The following SPAG16 variants were observed in gnomAD, a reference collection of about 807,000 sequenced individuals.
The protein encoded by SPAG16 is sperm-associated antigen 16 protein.
Under a neutral mutation model 80.4 loss-of-function variants are expected in SPAG16, and 86 were observed. The ratio of observed to expected loss-of-function variants is 1.07; its 90% CI spans 0.90 to 1.28. SPAG16 has a LOEUF of 1.28. Among genes scored for constraint, SPAG16 ranks in the 50% most tolerant of loss-of-function variants. SPAG16 has a pLI of 0.00. For synonymous variants in SPAG16, 294 were observed against 265.9 expected, an observed-to-expected ratio of 1.11 and a Z score of -1.03; for missense variants, 870 against 765.3, an observed-to-expected ratio of 1.14 and a Z score of -1.61.
intron 11 of SPAG16, among the ~76,000 whole-genome samples, chr2:213,903,339 A>T (rs541286998): frequency 6.6e-6 from 1 of 152,250 alleles, no homozygotes; most frequent in African/African-American, 2.4e-5. Flanking sequence ...GTTTCTATAC[A>T]TCTTCTGAAA....
At chr2:213,631,596 G>A (rs148173424) in intron 10 of SPAG16, among the ~76,000 whole-genome samples, 109 of 152,206 alleles carry the variant, frequency 7.2e-4, no homozygotes, top group African/African-American at 2.5e-3. Context: ...TTGAAAGTTT[G>A]TAGGACTTCC....
chr2:214,250,755 T>TAC (rs1192976006), intron 15 of SPAG16, among the ~76,000 whole-genome samples: 2 of 96,694 alleles, frequency 2.1e-5, no homozygotes, highest in Admixed American at 1.2e-4. Context: ...TATATATATA[T>TAC]ATAGAGAGAG....
chr2:213,475,949 T>C (rs1224612293), intron 9 of SPAG16, among the ~76,000 whole-genome samples: 1 of 152,158 alleles, frequency 6.6e-6, no homozygotes, highest in Non-Finnish European at 1.5e-5. Context: ...AAGAAACAAC[T>C]TAAATGCAGA....
chr2:214,398,382 A>G (rs1317676504), intron 15 of SPAG16, among the ~76,000 whole-genome samples: 2 of 152,258 alleles, frequency 1.3e-5, no homozygotes, highest in East Asian at 1.9e-4. Context: ...GTCACACTCC[A>G]TATTTTCTAA....
intron 7 of SPAG16, among the ~76,000 whole-genome samples, chr2:213,361,412 C>A: frequency 7.2e-6 from 1 of 138,230 alleles, no homozygotes; most frequent in Non-Finnish European, 1.7e-5. Context: ...AAAACTAAAT[C>A]TAAATATATA....
At chr2:213,394,650 A>AT (rs1449148757) in intron 9 of SPAG16, among the ~76,000 whole-genome samples, 2 of 152,114 alleles carry the variant, frequency 1.3e-5, no homozygotes, top group African/African-American at 4.8e-5. Flanking sequence ...CATTTCTGTA[A>AT]TTTTTTTAAT....
At chr2:214,233,053 A>C (rs1688809765) in intron 15 of SPAG16, among the ~76,000 whole-genome samples, 1 of 152,112 alleles carries the variant, frequency 6.6e-6, no homozygotes, top group South Asian at 2.1e-4. Flanking sequence ...TTTTATAAAG[A>C]GTTCAAAATC....
At chr2:213,708,734 C>T (rs570731584) in intron 10 of SPAG16, among the ~76,000 whole-genome samples, 12 of 152,174 alleles carry the variant, frequency 7.9e-5, no homozygotes, top group Admixed American at 3.9e-4. Flanking sequence ...TGCAGTGAGC[C>T]GAGACCATGC....
At chr2:214,211,535 C>T (rs1229479034) in intron 15 of SPAG16, among the ~76,000 whole-genome samples, 1 of 152,168 alleles carries the variant, frequency 6.6e-6, no homozygotes, top group African/African-American at 2.4e-5. Context: ...AGAGGTCTTA[C>T]ATCTTTTGGA....
At chr2:213,666,307 C>A (rs957717959) in intron 10 of SPAG16, among the ~76,000 whole-genome samples, 1 of 152,026 alleles carries the variant, frequency 6.6e-6, no homozygotes, top group Non-Finnish European at 1.5e-5. Context: ...GTCAATCATA[C>A]AAAATTTAGA....
At chr2:213,530,629 CT>C (rs2076035381) in intron 10 of SPAG16, among the ~76,000 whole-genome samples, 1 of 152,134 alleles carries the variant, frequency 6.6e-6, no homozygotes, top group South Asian at 2.1e-4. Context: ...GTTATTATTT[CT>C]TCCCAAATCT....
chr2:213,832,241 C>T (rs987129480), intron 10 of SPAG16, among the ~76,000 whole-genome samples: 10 of 152,120 alleles, frequency 6.6e-5, no homozygotes, highest in East Asian at 1.9e-4. Context: ...CGTGATCCAC[C>T]TCCCCTGTCC....
intron 10 of SPAG16, among the ~76,000 whole-genome samples, chr2:213,595,618 T>C (rs564251879): frequency 6.6e-6 from 1 of 152,232 alleles, no homozygotes; most frequent in South Asian, 2.1e-4. Context: ...GTACCACCTA[T>C]AATGTCATAA....
At chr2:214,276,184 G>A (rs1692449768) in intron 15 of SPAG16, among the ~76,000 whole-genome samples, 1 of 152,196 alleles carries the variant, frequency 6.6e-6, no homozygotes, top group Non-Finnish European at 1.5e-5. Context: ...GAGCCAATGT[G>A]TGTCTCTGCC....
At chr2:214,014,557 G>A (rs1405409238) in intron 13 of SPAG16, among the ~76,000 whole-genome samples, 2 of 152,202 alleles carry the variant, frequency 1.3e-5, no homozygotes, top group African/African-American at 4.8e-5. Context: ...CTAAGATCTG[G>A]AGGGTAAGTA....
chr2:213,958,291 A>G (rs2044247260), intron 12 of SPAG16, among the ~76,000 whole-genome samples: 1 of 152,104 alleles, frequency 6.6e-6, no homozygotes, highest in African/African-American at 2.4e-5. Flanking sequence ...TCCATGTGGT[A>G]TATGGGAGTC....
chr2:213,303,235 T>C (rs2062815345), intron 3 of SPAG16, among the ~76,000 whole-genome samples: 1 of 152,038 alleles, frequency 6.6e-6, no homozygotes, highest in Non-Finnish European at 1.5e-5. Flanking sequence ...TAATAATCTT[T>C]GGAAGAATAG....
At chr2:213,404,285 T>C (rs2068489805) in intron 9 of SPAG16, among the ~76,000 whole-genome samples, 1 of 152,198 alleles carries the variant, frequency 6.6e-6, no homozygotes, top group Non-Finnish European at 1.5e-5. Context: ...GCTGGAGGCA[T>C]CACTCTACCT....
intron 15 of SPAG16, among the ~76,000 whole-genome samples, chr2:214,224,854 C>G (rs2058664863): frequency 6.6e-6 from 1 of 152,106 alleles, no homozygotes; most frequent in African/African-American, 2.4e-5. Flanking sequence ...AGAACTGTCC[C>G]TGACCTCATA....
Sources: gnomAD v4.1 joint callset for allele counts (sites outside exome capture counted in the v4.1 genomes callset) on GRCh38, gnomAD v4.1.1 for gene constraint, MANE v1.5 for transcripts, NCBI Gene and HGNC (gene_info 2026-07-23, HGNC 2026-07-21) for gene names.